Variants in CCNY observed in about 807,000 individuals in gnomAD.
CCNY encodes cyclin-Y.
In CCNY, 19 loss-of-function variants were observed where a neutral mutation model predicts 42.8. The observed-to-expected ratio is 0.44, with a 90% CI of 0.31 to 0.65. The LOEUF is 0.65. Ranked by LOEUF, CCNY falls within the 30% of genes least tolerant of loss-of-function variation. The probability of loss-of-function intolerance (pLI) is 0.07; values close to 1 mark genes in which losing one functional copy is unlikely to be tolerated. For synonymous variants in CCNY, 165 were observed against 162.7 expected (o/e 1.01, Z -0.11); for missense variants, 370 against 437.3 (o/e 0.85, Z 1.37).
chr10:35,359,725 A>C (rs1836640571), intron 1 of CCNY, among the ~76,000 whole-genome samples: 1 of 152,096 alleles, frequency 6.6e-6, no homozygotes, highest in South Asian at 2.1e-4. Flanking sequence ...CTCCAGAACT[A>C]CTTCTTCCCA....
chr10:35,260,599 C>T (rs1296653632), intron 3 of CCNY, among the ~76,000 whole-genome samples: 11 of 152,206 alleles, frequency 7.2e-5, no homozygotes, highest in Non-Finnish European at 1.0e-4. Flanking sequence ...AGAATGTAAG[C>T]GCCTGTGCCC....
intron 3 of CCNY, among the ~76,000 whole-genome samples, chr10:35,257,023 C>A (rs1440104500): frequency 1.3e-5 from 2 of 152,094 alleles, no homozygotes; most frequent in South Asian, 2.1e-4. Flanking sequence ...AAGTTAAAAA[C>A]CCTTGTTACA....
At chr10:35,386,297 C>A (rs1167253046) in intron 1 of CCNY, among the ~76,000 whole-genome samples, 1 of 152,132 alleles carries the variant, frequency 6.6e-6, no homozygotes, top group African/African-American at 2.4e-5. Flanking sequence ...AAAGGCAGGT[C>A]CAGAATGGAA....
chr10:35,465,824 T>G (rs1839247590), intron 1 of CCNY, among the ~76,000 whole-genome samples: 1 of 151,888 alleles, frequency 6.6e-6, no homozygotes, highest in African/African-American at 2.4e-5. Context: ...CCAGTTAGAC[T>G]TGGAGCACTG....
At chr10:35,525,672 C>T (rs1840637614) in intron 4 of CCNY, among the ~76,000 whole-genome samples, 1 of 151,480 alleles carries the variant, frequency 6.6e-6, no homozygotes, top group African/African-American at 2.4e-5. Flanking sequence ...TTTTTTCCCA[C>T]AAGTGAGGAA....
intron 3 of CCNY, among the ~76,000 whole-genome samples, chr10:35,513,843 A>G (rs1180946040): frequency 6.6e-6 from 1 of 152,230 alleles, no homozygotes; most frequent in Non-Finnish European, 1.5e-5. Context: ...CACATGTACA[A>G]GCATACCAGT....
intron 3 of CCNY, among the ~76,000 whole-genome samples, chr10:35,260,148 C>T (rs1005655237): frequency 7.9e-5 from 12 of 152,096 alleles, no homozygotes; most frequent in Non-Finnish European, 1.8e-4. Flanking sequence ...TTCTCCTCTC[C>T]CCCATGCCTC....
At chr10:35,437,009 G>T (rs998509239) in intron 1 of CCNY, among the ~76,000 whole-genome samples, 4 of 152,198 alleles carry the variant, frequency 2.6e-5, no homozygotes, top group African/African-American at 9.7e-5. Flanking sequence ...TGTCTTACGT[G>T]TCAGCAGGCA....
At chr10:35,415,430 G>A (rs939042740) in intron 1 of CCNY, among the ~76,000 whole-genome samples, 2 of 152,080 alleles carry the variant, frequency 1.3e-5, no homozygotes, top group Non-Finnish European at 2.9e-5. Context: ...AATCCTCAGG[G>A]CAGAAAGCCT....
rs1355473207 is a variant in CCNY at position 35,530,710 on chromosome 10, T to C, written c.579+467T>C. ...TTCTGTTTTGTGACTTTTGAGTAAATGTGTCTGCAGGATATTCAGAGACAG... is the reference window on the plus strand; with the variant it reads ...TTCTGTTTTGTGACTTTTGAGTAAACGTGTCTGCAGGATATTCAGAGACAG... On this transcript the variant is annotated intron_variant, in intron 7 of 9. Coordinates refer to ENST00000374704, the MANE Select transcript of CCNY (RefSeq NM_145012.6). The surrounding 1 kb of genome is among the most constrained non-coding windows in gnomAD (Gnocchi z 4.3). Among the ~76,000 whole-genome samples, 3 of 152,328 alleles carry C rather than the reference T, an allele frequency of 2.0e-5. No individual in the cohort carries two copies. Among genetic ancestry groups the C allele is most frequent in the African/African-American group, 4.8e-5 (2 of 41,572 alleles).
At chr10:35,344,647 C>T (rs1163179967) in intron 1 of CCNY, among the ~76,000 whole-genome samples, 7 of 152,000 alleles carry the variant, frequency 4.6e-5, no homozygotes, top group Non-Finnish European at 1.0e-4. Context: ...CATATGTATA[C>T]ATGTGCCATG....
At chr10:35,360,288 C>CTTTT (rs5784449) in intron 1 of CCNY, among the ~76,000 whole-genome samples, 9 of 99,644 alleles carry the variant, frequency 9.0e-5, no homozygotes, top group Admixed American at 1.0e-4. Flanking sequence ...CTTTTCTTTT[C>CTTTT]TTTTTTTTTT....
chr10:35,364,106 A>G (rs185217222), intron 1 of CCNY, among the ~76,000 whole-genome samples: 46 of 152,358 alleles, frequency 3.0e-4, no homozygotes, highest in African/African-American at 9.9e-4. Flanking sequence ...AAGTGGTGTC[A>G]AAGAGATGAT....
intron 3 of CCNY, among the ~76,000 whole-genome samples, chr10:35,294,685 C>T (rs1835450385): frequency 1.3e-5 from 2 of 152,186 alleles, no homozygotes; most frequent in South Asian, 4.1e-4. Context: ...AGGATGTTTA[C>T]ATCTATACTC....
chr10:35,361,783 G>C (rs1264034653), intron 1 of CCNY, among the ~76,000 whole-genome samples: 1 of 152,158 alleles, frequency 6.6e-6, no homozygotes, highest in African/African-American at 2.4e-5. Flanking sequence ...AATTGTAATT[G>C]TGAAAATGAG....
At chr10:35,391,501 G>A (rs1051596535) in intron 1 of CCNY, among the ~76,000 whole-genome samples, 8 of 152,162 alleles carry the variant, frequency 5.3e-5, no homozygotes, top group African/African-American at 1.7e-4. Context: ...CCGGAAGGTT[G>A]TTTACTGAAC....
At chr10:35,275,757 C>T (rs1457095234) in intron 3 of CCNY, among the ~76,000 whole-genome samples, 6 of 149,912 alleles carry the variant, frequency 4.0e-5, no homozygotes, top group African/African-American at 7.4e-5. Context: ...AGCGAGACTC[C>T]GTCTCAAAAA....
In CCNY at chr10:35,515,031, T is replaced by C. The variant is rs189826447; in HGVS notation, c.265-1492T>C. Among the ~76,000 whole-genome samples the C allele has an allele frequency of 1.2e-3, 178 of 152,376 alleles. 3 individuals carry two copies. The East Asian group carries it at 0.026, about 22-fold the overall frequency. ...AAAAGAGGAAGAGAATTGGTTTAAA[T>C]GTCTGGATTTTCTTAATGAAATGTG... On this transcript the variant is annotated intron_variant, in intron 3 of 9. Transcript: ENST00000374704.
chr10:35,399,618 G>A (rs1837600542), intron 1 of CCNY, among the ~76,000 whole-genome samples: 1 of 152,214 alleles, frequency 6.6e-6, no homozygotes, highest in Non-Finnish European at 1.5e-5. Context: ...AAGGTAGGGG[G>A]TTTGCTTCAT....
Sources: allele counts gnomAD v4.1 joint callset (sites outside exome capture counted in the v4.1 genomes callset), GRCh38; gene constraint gnomAD v4.1.1; non-coding constraint Gnocchi (gnomAD v3.1); transcripts MANE v1.5; gene names NCBI Gene and HGNC (gene_info 2026-07-23, HGNC 2026-07-21).